HS6ST3: variants seen among roughly 807,000 people sequenced by gnomAD.
HS6ST3 encodes the protein heparan sulfate 6-O-sulfotransferase 3.
HS6ST3 carries 12 observed loss-of-function variants against 36.7 expected under a neutral mutation model. The observed-to-expected ratio is 0.33, with a 90% CI of 0.21 to 0.53. The LOEUF (loss-of-function observed/expected upper bound fraction) is 0.53, where lower values mean the gene tolerates loss of function less well. Ranked by LOEUF, HS6ST3 falls within the 20% of genes least tolerant of loss-of-function variation. The pLI is 0.95. For missense variants in HS6ST3, 584 were observed against 640.9 expected, an observed-to-expected ratio of 0.91 and a Z score of 0.96; for synonymous variants, 240 against 257.5, an observed-to-expected ratio of 0.93 and a Z score of 0.65.
At chr13:96,179,126 A>G (rs1422060510) in intron 1 of HS6ST3, among the ~76,000 whole-genome samples, 3 of 152,224 alleles carry the variant, frequency 2.0e-5, no homozygotes, top group Non-Finnish European at 4.4e-5. Flanking sequence ...GTATAAAGTT[A>G]AATGATGAAT....
At chr13:96,359,330 G>C (rs1280801429) in intron 1 of HS6ST3, among the ~76,000 whole-genome samples, 1 of 152,118 alleles carries the variant, frequency 6.6e-6, no homozygotes, top group African/African-American at 2.4e-5. Context: ...TTGACTGACT[G>C]TCAGAGTATT....
At chr13:96,581,611 G>T (rs1055892389) in intron 1 of HS6ST3, among the ~76,000 whole-genome samples, 6 of 152,218 alleles carry the variant, frequency 3.9e-5, no homozygotes, top group Non-Finnish European at 7.3e-5. Flanking sequence ...AGCTGAGACA[G>T]TAGTCTTGGT....
At chr13:96,713,199 G>A (rs945072598) in intron 1 of HS6ST3, among the ~76,000 whole-genome samples, 1 of 152,160 alleles carries the variant, frequency 6.6e-6, no homozygotes, top group Non-Finnish European at 1.5e-5. Context: ...TTGTAGGACT[G>A]CTAGTTACAG....
At position 96,255,731 on chromosome 13, in the gene HS6ST3, C is replaced by T. The variant is rs530703842; in HGVS notation, c.707+164162C>T. On this transcript the variant is annotated intron_variant, in intron 1 of 1. Coordinates refer to ENST00000376705, the MANE Select transcript of HS6ST3 (RefSeq NM_153456.4). ...CCTTTGTCTTCTCTTCATAAGAAGT[C>T]TGTAGAAAACTTTATCCATATGAAC... 7.9e-5 allele frequency among the ~76,000 whole-genome samples: 12 copies of T among 152,236 alleles called. 1 individual carries two copies. The highest frequency in any genetic ancestry group is 2.9e-4 in the African/African-American group (12 of 41,560).
intron 1 of HS6ST3, among the ~76,000 whole-genome samples, chr13:96,706,877 G>T (rs1227282308): frequency 6.6e-6 from 1 of 152,106 alleles, no homozygotes; most frequent in South Asian, 2.1e-4. Context: ...TTTTAAGCAT[G>T]GGGAGAGGTT....
chr13:96,816,705 A>G (rs1878429318), intron 1 of HS6ST3, among the ~76,000 whole-genome samples: 1 of 152,170 alleles, frequency 6.6e-6, no homozygotes, highest in African/African-American at 2.4e-5. Context: ...TGGCAGACCT[A>G]TGCTCAACTT....
At chr13:96,523,734 C>T (rs1429292353) in intron 1 of HS6ST3, among the ~76,000 whole-genome samples, 2 of 151,784 alleles carry the variant, frequency 1.3e-5, no homozygotes, top group Admixed American at 6.6e-5. Flanking sequence ...TCTCTACATT[C>T]GTTATTCTAG....
intron 1 of HS6ST3, among the ~76,000 whole-genome samples, chr13:96,113,565 G>GA (rs2053880384): frequency 6.6e-6 from 1 of 151,996 alleles, no homozygotes; most frequent in African/African-American, 2.4e-5. Context: ...TATAAATTAA[G>GA]AAAATAACAT....
At chr13:96,128,734 C>T (rs1232336490) in intron 1 of HS6ST3, among the ~76,000 whole-genome samples, 2 of 152,176 alleles carry the variant, frequency 1.3e-5, no homozygotes, top group African/African-American at 2.4e-5. Context: ...AAACTAGACA[C>T]CTTCCCTTCT....
chr13:96,483,356 T>C (rs185136469), intron 1 of HS6ST3, among the ~76,000 whole-genome samples: 67 of 152,170 alleles, frequency 4.4e-4, no homozygotes, highest in African/African-American at 1.5e-3. Flanking sequence ...CCTAGAATCT[T>C]TGATGAACTG....
intron 1 of HS6ST3, among the ~76,000 whole-genome samples, chr13:96,789,630 C>T (rs1400361579): frequency 6.6e-6 from 1 of 151,098 alleles, no homozygotes; most frequent in Non-Finnish European, 1.5e-5. Context: ...TTCCATTCTT[C>T]TGAGAATGTC....
chr13:96,741,425 C>A (rs898075933), intron 1 of HS6ST3, among the ~76,000 whole-genome samples: 1 of 152,182 alleles, frequency 6.6e-6, no homozygotes, highest in African/African-American at 2.4e-5. Context: ...CTGCACACTG[C>A]ACTTCCAAGA....
intron 1 of HS6ST3, among the ~76,000 whole-genome samples, chr13:96,725,992 C>T (rs890124028): frequency 5.3e-5 from 8 of 152,074 alleles, no homozygotes; most frequent in Non-Finnish European, 7.4e-5. Flanking sequence ...CGCCCGCCAC[C>T]GCTGCTGGCT....
At chr13:96,233,032 C>T (rs551981829) in intron 1 of HS6ST3, among the ~76,000 whole-genome samples, 48 of 152,256 alleles carry the variant, frequency 3.2e-4, no homozygotes, top group African/African-American at 1.1e-3. Flanking sequence ...GTTAAGCATT[C>T]TTTTTGAATG....
intron 1 of HS6ST3, among the ~76,000 whole-genome samples, chr13:96,815,908 C>A (rs1878411724): frequency 6.6e-6 from 1 of 152,210 alleles, no homozygotes; most frequent in African/African-American, 2.4e-5. Context: ...CTGGAGGTTT[C>A]TACCTGTGGA....
At chr13:96,739,218 CTTGTGTGT>C (rs1171688513) in intron 1 of HS6ST3, among the ~76,000 whole-genome samples, 1 of 115,208 alleles carries the variant, frequency 8.7e-6, no homozygotes, top group Non-Finnish European at 1.8e-5. Flanking sequence ...TCGACATTTG[CTTGTGTGT>C]GTGTGTGTGT....
chr13:96,539,166 G>A (rs1295294375), intron 1 of HS6ST3, among the ~76,000 whole-genome samples: 1 of 152,128 alleles, frequency 6.6e-6, no homozygotes, highest in Non-Finnish European at 1.5e-5. Context: ...GTTAGAAATA[G>A]GAACATAGAG....
At chr13:96,551,295 G>A (rs1321528331) in intron 1 of HS6ST3, among the ~76,000 whole-genome samples, 3 of 152,174 alleles carry the variant, frequency 2.0e-5, no homozygotes, top group African/African-American at 7.2e-5. Context: ...ACATTACAGT[G>A]CTTGGATGTC....
intron 1 of HS6ST3, among the ~76,000 whole-genome samples, chr13:96,482,467 T>TTTC (rs2055894562): frequency 6.6e-6 from 1 of 152,016 alleles, no homozygotes; most frequent in African/African-American, 2.4e-5. Context: ...TTTTTTTTTT[T>TTTC]TTTCCGTAAA....
Sources: gnomAD v4.1 joint callset for allele counts (sites outside exome capture counted in the v4.1 genomes callset) on GRCh38, gnomAD v4.1.1 for gene constraint, MANE v1.5 for transcripts, NCBI Gene and HGNC (gene_info 2026-07-23, HGNC 2026-07-21) for gene names.